Variants in UGT1A10 observed in about 807,000 individuals in gnomAD.
UGT1A10 encodes UDP glucuronosyltransferase family 1 member A10.
Under a neutral mutation model 45.8 loss-of-function variants are expected in UGT1A10, and 49 were observed. The ratio of observed to expected loss-of-function variants is 1.07; its 90% CI spans 0.85 to 1.36. UGT1A10 has a LOEUF of 1.36. Ranked by LOEUF, UGT1A10 falls within the 40% of genes most tolerant of loss-of-function variation. The pLI, the probability that UGT1A10 is intolerant of heterozygous loss-of-function variation, is 0.00. For missense variants in UGT1A10, 745 were observed against 668.6 expected (o/e 1.11, Z -1.26); for synonymous variants, 284 against 249.7 (o/e 1.14, Z -1.29).
chr2:233,729,151 C>G (rs780105483), intron 1 of UGT1A10: 3 of 1,613,562 alleles, frequency 1.9e-6, no homozygotes, highest in South Asian at 2.2e-5. Context: ...CCAGGTTCCC[C>G]TGCCGTGGCT....
chr2:233,729,822 A>G, intron 1 of UGT1A10: 1 of 1,613,914 alleles, frequency 6.2e-7, no homozygotes, highest in Non-Finnish European at 8.5e-7. Flanking sequence ...CTCCTTATGC[A>G]AGCCTTGCCT....
At position 233,643,853 on chromosome 2, in the gene UGT1A10, G is replaced by A. The variant is rs567766038; in HGVS notation, c.855+6476G>A. ...GTTCAGAAATGTCATCTGGAAGCTA[G>A]GGCCTGGCACAGGGGCCTCATGATT... On this transcript the variant is annotated intron_variant, in intron 1 of 4. Coordinates refer to ENST00000344644, the MANE Select transcript of UGT1A10 (RefSeq NM_019075.4). Among the ~76,000 whole-genome samples the A allele has an allele frequency of 2.0e-5, 3 of 152,302 alleles. No individual in the cohort carries two copies. The East Asian group carries it at 5.8e-4, about 29-fold the overall frequency.
At chr2:233,724,307 C>A (rs2077214825) in intron 1 of UGT1A10, among the ~76,000 whole-genome samples, 1 of 146,936 alleles carries the variant, frequency 6.8e-6, no homozygotes, top group Non-Finnish European at 1.5e-5. Flanking sequence ...CCACCTCCCT[C>A]CCGGACGGGG....
At chr2:233,701,673 A>T (rs544272724) in intron 1 of UGT1A10, among the ~76,000 whole-genome samples, 2 of 152,338 alleles carry the variant, frequency 1.3e-5, no homozygotes, top group South Asian at 4.1e-4. Context: ...TCAAACTAGA[A>T]CTCAGAATTA....
At chr2:233,744,478 A>C (rs921058584) in intron 1 of UGT1A10, among the ~76,000 whole-genome samples, 8 of 152,046 alleles carry the variant, frequency 5.3e-5, no homozygotes, top group South Asian at 2.1e-4. Context: ...AAGACATATT[A>C]ATTGGGCAAT....
At position 233,772,285 on chromosome 2, in the gene UGT1A10, T is replaced by C. The variant is rs758411577; in HGVS notation, c.1319T>C (p.Leu440Pro). The change falls in exon 5 of 5, where the codon CTC becomes CCC. Residue 440 changes from leucine to proline, a missense_variant. Leu to Pro is a moderately conservative substitution (Grantham distance 98). Coordinates refer to ENST00000344644, the MANE Select transcript of UGT1A10 (RefSeq NM_019075.4). ...DKSYKENIMRLSSLHKDRPVE... is the reference protein window; with the variant it reads ...DKSYKENIMRPSSLHKDRPVE... ...AGTTACAAGGAGAACATCATGCGCC[T>C]CTCCAGCCTTCACAAGGACCGCCCG... 3.1e-6 allele frequency: 5 copies of C among 1,614,220 alleles called. No individual in the cohort carries two copies. The highest frequency in any genetic ancestry group is 3.4e-6 in the Non-Finnish European group (4 of 1,180,040).
intron 1 of UGT1A10, chr2:233,692,880 A>G: frequency 6.7e-7 from 1 of 1,501,604 alleles, no homozygotes; most frequent in Non-Finnish European, 8.8e-7. Flanking sequence ...GGTAAAATTC[A>G]GAGCAAGGGA....
rs1207870727 is a variant in UGT1A10, at chr2:233,693,825, TTGGAGGTA to T, written c.855+56450_855+56457del. On this transcript the variant is annotated intron_variant, in intron 1 of 4. Transcript: ENST00000344644. The stretch of plus-strand genomic sequence containing the variant: ...CCGGTCATGCCCAACATGGTCTTCA[TTGGAGGTA>T]TCAACTGTAAGAAGAGGAAAGACTT... The T allele has an allele frequency of 3.7e-6, 6 of 1,614,084 alleles. No individual in the cohort carries two copies. The African/African-American group carries it at 5.3e-5, about 14-fold the overall frequency.
At chr2:233,715,374 C>CGT (rs2076448384) in intron 1 of UGT1A10, among the ~76,000 whole-genome samples, 1 of 152,106 alleles carries the variant, frequency 6.6e-6, no homozygotes, top group South Asian at 2.1e-4. Context: ...ATTTTCTTCA[C>CGT]AGTTTGCTGT....
At chr2:233,669,559 G>T (rs753279182) in intron 1 of UGT1A10, among the ~76,000 whole-genome samples, 27 of 151,962 alleles carry the variant, frequency 1.8e-4, no homozygotes, top group Non-Finnish European at 2.9e-4. Flanking sequence ...ATGCTATTTA[G>T]GTGCTGTTTT....
At chr2:233,659,396 A>G (rs1272892823) in intron 1 of UGT1A10, among the ~76,000 whole-genome samples, 1 of 152,224 alleles carries the variant, frequency 6.6e-6, no homozygotes, top group Non-Finnish European at 1.5e-5. Flanking sequence ...TGTGTTATAT[A>G]CTGTATTATT....
chr2:233,647,363 T>C (rs1281389947), intron 1 of UGT1A10, among the ~76,000 whole-genome samples: 1 of 152,224 alleles, frequency 6.6e-6, no homozygotes, highest in Non-Finnish European at 1.5e-5. Flanking sequence ...TGTCACATCT[T>C]TATCTGGTTT....
In UGT1A10 at chr2:233,719,505, G is replaced by T. The variant is rs1559364966; in HGVS notation, c.856-47529G>T. ...GTCCTACATTTGCCATACTTTTTCT[G>T]CCCCTTATGCAAGTCTTGCCTCTGA... On this transcript the variant is annotated intron_variant, in intron 1 of 4. Transcript: ENST00000344644. The T allele has an allele frequency of 1.9e-6, 3 of 1,613,876 alleles. No individual in the cohort carries two copies. Among genetic ancestry groups the T allele is most frequent in the Non-Finnish European group, 2.5e-6 (3 of 1,179,860 alleles).
Position 233,755,903 on chromosome 2 carries a change from T to G in UGT1A10, c.856-11131T>G, listed in dbSNP as rs537567684. ...TTATGTAACTTTTTTTGAGACAAAATGTAGTGAGAAGAGTGGCATCGTTTT... is the reference window on the plus strand; with the variant it reads ...TTATGTAACTTTTTTTGAGACAAAAGGTAGTGAGAAGAGTGGCATCGTTTT... On this transcript the variant is annotated intron_variant, in intron 1 of 4. Transcript: ENST00000344644. 8 of 152,096 alleles carry G rather than the reference T, an allele frequency of 5.3e-5. No individual in the cohort carries two copies. The South Asian group carries it at 1.7e-3, about 32-fold the overall frequency. 9.4% of individuals were successfully genotyped at this position (152,096 alleles called of 1,614,324 possible). A position where few individuals can be genotyped will look rare whatever the true frequency, so the allele number is the denominator to read the frequency against.
intron 1 of UGT1A10, among the ~76,000 whole-genome samples, chr2:233,673,017 G>A (rs2074248494): frequency 6.6e-6 from 1 of 152,076 alleles, no homozygotes; most frequent in Non-Finnish European, 1.5e-5. Flanking sequence ...AACATATTCA[G>A]CCTACATTTT....
chr2:233,754,277 A>C (rs1263233014), intron 1 of UGT1A10: 4 of 191,024 alleles, frequency 2.1e-5, no homozygotes, highest in Admixed American at 1.6e-4. Flanking sequence ...AAGTGCTGAG[A>C]TGAACATTCT....
At chr2:233,709,423 C>G (rs937009532) in intron 1 of UGT1A10, among the ~76,000 whole-genome samples, 2 of 152,056 alleles carry the variant, frequency 1.3e-5, no homozygotes, top group African/African-American at 4.8e-5. Context: ...TAAGAATGTC[C>G]TCCAGAAAGG....
chr2:233,733,807 A>T (rs898855226), intron 1 of UGT1A10, among the ~76,000 whole-genome samples: 3 of 152,292 alleles, frequency 2.0e-5, no homozygotes, highest in Admixed American at 6.5e-5. Context: ...TATCAGGATG[A>T]TGCTGGCCTC....
At chr2:233,715,670 G>T (rs1428393419) in intron 1 of UGT1A10, among the ~76,000 whole-genome samples, 3 of 152,106 alleles carry the variant, frequency 2.0e-5, no homozygotes, top group Non-Finnish European at 4.4e-5. Context: ...TACTCGGGAG[G>T]CTGAGGCAGG....
Sources: allele counts gnomAD v4.1 joint callset (sites outside exome capture counted in the v4.1 genomes callset), GRCh38; gene constraint gnomAD v4.1.1; transcripts MANE v1.5; gene names NCBI Gene and HGNC (gene_info 2026-07-23, HGNC 2026-07-21).